SGCD: variants seen among roughly 807,000 people sequenced by gnomAD.
SGCD encodes the protein sarcoglycan delta.
In SGCD, 18 loss-of-function variants were observed where a neutral mutation model predicts 36.6. That is an observed-to-expected ratio of 0.49 (90% confidence interval 0.34 to 0.73). SGCD has a LOEUF of 0.73. Ranked by LOEUF, SGCD falls within the 30% of genes least tolerant of loss-of-function variation. The pLI is 0.01. For synonymous variants in SGCD, 133 were observed against 130.6 expected (o/e 1.02, Z -0.12); for missense variants, 387 against 346.7 (o/e 1.12, Z -0.92).
chr5:156,503,882 A>G (rs1464716282), intron 3 of SGCD, among the ~76,000 whole-genome samples: 2 of 152,036 alleles, frequency 1.3e-5, no homozygotes, highest in African/African-American at 2.4e-5. Context: ...TTTAATTACT[A>G]TTGGTGTTTC....
At chr5:156,459,432 A>C (rs183348834) in intron 3 of SGCD, among the ~76,000 whole-genome samples, 1 of 152,296 alleles carries the variant, frequency 6.6e-6, no homozygotes, top group Non-Finnish European at 1.5e-5. Flanking sequence ...TCTTAATTTA[A>C]GAAAATGAGA....
At chr5:156,175,267 T>A (rs1468165911) in intron 3 of SGCD, among the ~76,000 whole-genome samples, 1 of 152,192 alleles carries the variant, frequency 6.6e-6, no homozygotes, top group Non-Finnish European at 1.5e-5. Flanking sequence ...CATAAGTACT[T>A]GTTCAAGGGT....
intron 3 of SGCD, among the ~76,000 whole-genome samples, chr5:156,211,800 T>C (rs1764450148): frequency 6.6e-6 from 1 of 152,026 alleles, no homozygotes; most frequent in African/African-American, 2.4e-5. Flanking sequence ...TAAAAAGCAA[T>C]AGCTATAATA....
the SGCD span, among the ~76,000 whole-genome samples, chr5:155,833,224 T>G: frequency 6.7e-6 from 1 of 149,994 alleles, no homozygotes; most frequent in Non-Finnish European, 1.5e-5. Flanking sequence ...AGAGAGAATC[T>G]CAAAAAAAAA....
intron 3 of SGCD, among the ~76,000 whole-genome samples, chr5:156,163,747 G>A (rs1763140528): frequency 1.3e-5 from 2 of 151,524 alleles, no homozygotes; most frequent in African/African-American, 2.4e-5. Context: ...TCGGCCGGGC[G>A]CGGTGGCTCA....
chr5:156,669,257 C>T (rs567021823), intron 7 of SGCD, among the ~76,000 whole-genome samples: 3 of 152,100 alleles, frequency 2.0e-5, no homozygotes, highest in Admixed American at 6.5e-5. Context: ...CCAAATCCAC[C>T]GCAGACTTCA....
chr5:156,656,841 G>A (rs761434683), intron 7 of SGCD, among the ~76,000 whole-genome samples: 4 of 152,080 alleles, frequency 2.6e-5, no homozygotes, highest in Admixed American at 6.6e-5. Context: ...AAGATTCTAC[G>A]ATACATCTAT....
chr5:156,387,857 C>G (rs73812224), intron 3 of SGCD, among the ~76,000 whole-genome samples: 3,710 of 152,232 alleles, frequency 0.024, 147 homozygotes, highest in African/African-American at 0.084. Context: ...TTCCCTATGG[C>G]CACGTTCGTA....
At chr5:155,822,930 A>G in the SGCD span, among the ~76,000 whole-genome samples, 1 of 152,094 alleles carries the variant, frequency 6.6e-6, no homozygotes, top group Non-Finnish European at 1.5e-5. Context: ...TCCCAAACCC[A>G]TGGCCATTGG....
intron 4 of SGCD, among the ~76,000 whole-genome samples, chr5:156,510,058 A>C (rs1756864873): frequency 6.6e-6 from 1 of 152,222 alleles, no homozygotes; most frequent in East Asian, 1.9e-4. Flanking sequence ...AATGTTATAC[A>C]AAATCTTGAA....
chr5:156,590,435 G>T (rs537114747), intron 5 of SGCD, among the ~76,000 whole-genome samples: 22 of 152,238 alleles, frequency 1.4e-4, no homozygotes, highest in African/African-American at 4.8e-4. Flanking sequence ...TAAACATGTT[G>T]TTTCAGCGTG....
intron 3 of SGCD, among the ~76,000 whole-genome samples, chr5:156,436,420 A>T (rs1323251236): frequency 1.3e-5 from 2 of 152,216 alleles, no homozygotes; most frequent in African/African-American, 2.4e-5. Flanking sequence ...TTGTCAAGTC[A>T]TATAGTCAGA....
At chr5:156,756,399 T>C (rs2113169871) in intron 7 of SGCD, among the ~76,000 whole-genome samples, 1 of 152,192 alleles carries the variant, frequency 6.6e-6, no homozygotes, top group African/African-American at 2.4e-5. Flanking sequence ...AATTTAAAAA[T>C]TAGCTGCCCG....
intron 7 of SGCD, among the ~76,000 whole-genome samples, chr5:156,693,329 C>G (rs1754187719): frequency 6.6e-6 from 1 of 152,076 alleles, no homozygotes; most frequent in Non-Finnish European, 1.5e-5. Flanking sequence ...TAATCATTTG[C>G]TTTTCTCACT....
At chr5:156,744,262 C>A (rs1361210879) in intron 7 of SGCD, among the ~76,000 whole-genome samples, 1 of 152,216 alleles carries the variant, frequency 6.6e-6, no homozygotes, top group Non-Finnish European at 1.5e-5. Context: ...AGCATGGCTG[C>A]ATGAGGTTTG....
At chr5:156,051,002 T>G (rs904065959) in intron 1 of SGCD, among the ~76,000 whole-genome samples, 3 of 146,434 alleles carry the variant, frequency 2.0e-5, no homozygotes, top group Admixed American at 2.0e-4. Context: ...GTCCCAGGGA[T>G]TGGCACATGA....
intron 1 of SGCD, among the ~76,000 whole-genome samples, chr5:155,882,530 T>C (rs918545726): frequency 4.9e-4 from 75 of 152,256 alleles, no homozygotes; most frequent in African/African-American, 1.8e-3. Flanking sequence ...AAATTACTTA[T>C]TGATCCATGG....
intron 1 of SGCD, among the ~76,000 whole-genome samples, chr5:156,072,974 A>G (rs1760632443): frequency 6.6e-6 from 1 of 152,074 alleles, no homozygotes; most frequent in Non-Finnish European, 1.5e-5. Context: ...CTTGGCTTTC[A>G]GCTCCATCAG....
At chr5:156,244,180 C>T (rs927103112) in intron 3 of SGCD, among the ~76,000 whole-genome samples, 2 of 152,118 alleles carry the variant, frequency 1.3e-5, no homozygotes, top group African/African-American at 4.8e-5. Flanking sequence ...AAGATGCAAA[C>T]CTGAATCTAA....
Sources: allele counts gnomAD v4.1 joint callset (sites outside exome capture counted in the v4.1 genomes callset), GRCh38; gene constraint gnomAD v4.1.1; transcripts MANE v1.5; gene names NCBI Gene and HGNC (gene_info 2026-07-23, HGNC 2026-07-21).